LHFPL6: variants seen among roughly 807,000 people sequenced by gnomAD.
LHFPL6 encodes LHFPL tetraspan subfamily member 6 protein.
LHFPL6 carries 9 observed loss-of-function variants against 20.6 expected under a neutral mutation model. The ratio of observed to expected loss-of-function variants is 0.44; its 90% CI spans 0.26 to 0.76. LHFPL6 has a LOEUF of 0.76. Ranked by LOEUF, LHFPL6 falls within the 30% of genes least tolerant of loss-of-function variation. The pLI is 0.20. For missense variants in LHFPL6, 218 were observed against 253.5 expected, an observed-to-expected ratio of 0.86 and a Z score of 0.95; for synonymous variants, 105 against 98.7, an observed-to-expected ratio of 1.06 and a Z score of -0.38.
chr13:39,366,261 T>A (rs1870010356), intron 3 of LHFPL6, among the ~76,000 whole-genome samples: 1 of 152,252 alleles, frequency 6.6e-6, no homozygotes, highest in African/African-American at 2.4e-5. Context: ...CTTATGTGGA[T>A]TCTACCAATC....
intron 2 of LHFPL6, among the ~76,000 whole-genome samples, chr13:39,571,290 T>C (rs1047562602): frequency 1.3e-5 from 2 of 152,244 alleles, no homozygotes; most frequent in African/African-American, 4.8e-5. Flanking sequence ...TCCTGTTCGA[T>C]GCGCTTTCCT....
intron 2 of LHFPL6, among the ~76,000 whole-genome samples, chr13:39,416,661 G>T (rs769880554): frequency 3.9e-5 from 6 of 152,240 alleles, no homozygotes; most frequent in Non-Finnish European, 7.3e-5. Context: ...AGAGAAAAGA[G>T]AAAGTGCTAG....
chr13:39,580,134 A>C (rs1593372409), intron 2 of LHFPL6, among the ~76,000 whole-genome samples: 1 of 152,226 alleles, frequency 6.6e-6, no homozygotes, highest in East Asian at 1.9e-4. Context: ...TAAAAATACA[A>C]ATTTATGAAC....
intron 2 of LHFPL6, among the ~76,000 whole-genome samples, chr13:39,589,221 C>A (rs1292932587): frequency 6.6e-6 from 1 of 152,170 alleles, no homozygotes; most frequent in African/African-American, 2.4e-5. Context: ...ATTCTCCTGC[C>A]TCAGCCTCCT....
chr13:39,440,520 T>C (rs1406915738), intron 2 of LHFPL6, among the ~76,000 whole-genome samples: 1 of 152,192 alleles, frequency 6.6e-6, no homozygotes, highest in Non-Finnish European at 1.5e-5. Context: ...AGCAAATACA[T>C]AGGCACTTTC....
chr13:39,495,690 T>C (rs1182965438), intron 2 of LHFPL6, among the ~76,000 whole-genome samples: 3 of 151,926 alleles, frequency 2.0e-5, no homozygotes, highest in African/African-American at 7.2e-5. Flanking sequence ...AAAACTGTTG[T>C]AGTAAATCAA....
chr13:39,518,246 T>TTAA (rs1869992243), intron 2 of LHFPL6, among the ~76,000 whole-genome samples: 1 of 152,148 alleles, frequency 6.6e-6, no homozygotes, highest in African/African-American at 2.4e-5. Context: ...TACCTCCCTA[T>TTAA]TAATAATAAT....
intron 2 of LHFPL6, among the ~76,000 whole-genome samples, chr13:39,400,209 T>C (rs1197517683): frequency 5.3e-5 from 8 of 152,234 alleles, no homozygotes; most frequent in Non-Finnish European, 8.8e-5. Context: ...GTGGCAATAA[T>C]GTGCACCTCA....
In LHFPL6 at chr13:39,520,906, T is replaced by G. The variant is rs140875505; in HGVS notation, c.385+79926A>C. On this transcript the variant is annotated intron_variant, in intron 2 of 3. Transcript: ENST00000379589. ...TATTTTTCCAGTGCCCAAGGTGATTTCATTGTGCAACCAAGGTTGAGAATG... is the reference window on the plus strand; with the variant it reads ...TATTTTTCCAGTGCCCAAGGTGATTGCATTGTGCAACCAAGGTTGAGAATG... Among the ~76,000 whole-genome samples, 6 of 152,272 alleles carry G rather than the reference T, an allele frequency of 3.9e-5. No homozygotes were observed. In the East Asian group the frequency reaches 1.2e-3, roughly 29 times the overall value.
chr13:39,391,153 A>G (rs983108990), intron 2 of LHFPL6, among the ~76,000 whole-genome samples: 1 of 152,224 alleles, frequency 6.6e-6, no homozygotes, highest in Admixed American at 6.5e-5. Context: ...GGCAGATACT[A>G]CTTATCCCTA....
At chr13:39,472,797 T>TA (rs1872980238) in intron 2 of LHFPL6, among the ~76,000 whole-genome samples, 1 of 151,944 alleles carries the variant, frequency 6.6e-6, no homozygotes, top group Admixed American at 6.6e-5. Context: ...TTATTAGAGA[T>TA]ATGGGGTTTC....
chr13:39,470,115 G>T (rs1176516993), intron 2 of LHFPL6, among the ~76,000 whole-genome samples: 1 of 152,090 alleles, frequency 6.6e-6, no homozygotes, highest in East Asian at 1.9e-4. Context: ...ATATATATAA[G>T]CCACAGAAAG....
chr13:39,491,619 A>G (rs1232150598), intron 2 of LHFPL6, among the ~76,000 whole-genome samples: 4 of 152,206 alleles, frequency 2.6e-5, no homozygotes, highest in South Asian at 2.1e-4. Context: ...GGAAGCCACA[A>G]TTAAATCCTC....
intron 2 of LHFPL6, among the ~76,000 whole-genome samples, chr13:39,408,821 T>C (rs1048215778): frequency 6.6e-6 from 1 of 152,162 alleles, no homozygotes; most frequent in Non-Finnish European, 1.5e-5. Flanking sequence ...AGAACAAAAT[T>C]TGTAATAGTA....
intron 2 of LHFPL6, among the ~76,000 whole-genome samples, chr13:39,510,872 A>ATTTTTTTTTTTTTTTTTTTTTT (rs71245386): frequency 6.6e-6 from 1 of 150,466 alleles, no homozygotes; most frequent in Non-Finnish European, 1.5e-5. Context: ...ATTACTTTAA[A>ATTTTTTTTTTTTTTTTTTTTTT]TTTTTTTTTT....
At chr13:39,566,011 C>T (rs1566143219) in intron 2 of LHFPL6, among the ~76,000 whole-genome samples, 1 of 152,248 alleles carries the variant, frequency 6.6e-6, no homozygotes, top group Non-Finnish European at 1.5e-5. Flanking sequence ...AATTATTATG[C>T]CCTAGGATCT....
chr13:39,367,407 A>G (rs989070137), intron 3 of LHFPL6, among the ~76,000 whole-genome samples: 2 of 152,252 alleles, frequency 1.3e-5, no homozygotes, highest in East Asian at 1.9e-4. Context: ...CTTAAAAAAT[A>G]AAAATACAAA....
intron 3 of LHFPL6, among the ~76,000 whole-genome samples, chr13:39,370,907 T>C (rs2138353612): frequency 6.6e-6 from 1 of 152,312 alleles, no homozygotes; most frequent in East Asian, 1.9e-4. Context: ...TTTGTTTGCA[T>C]TTTTACCCAG....
intron 2 of LHFPL6, among the ~76,000 whole-genome samples, chr13:39,380,991 T>C (rs1309181898): frequency 7.9e-5 from 12 of 152,160 alleles, no homozygotes. Flanking sequence ...TGTATATTTA[T>C]TTCATTATAT....
Sources: allele counts gnomAD v4.1 joint callset (sites outside exome capture counted in the v4.1 genomes callset), GRCh38; gene constraint gnomAD v4.1.1; transcripts MANE v1.5; gene names NCBI Gene and HGNC (gene_info 2026-07-23, HGNC 2026-07-21).